The following BCORL1 variants were observed in gnomAD, a reference collection of about 807,000 sequenced individuals.
BCORL1 encodes the protein BCL-6 corepressor-like protein 1.
BCORL1 carries 7 observed loss-of-function variants against 87.6 expected under a neutral mutation model. The ratio of observed to expected loss-of-function variants is 0.08; its 90% CI spans 0.05 to 0.15. The LOEUF is 0.15. BCORL1 is among the 10% of genes least tolerant of loss of function. The pLI is 1.00. For missense variants in BCORL1, 1,215 were observed against 1,499.7 expected, an observed-to-expected ratio of 0.81 and a Z score of 3.13; for synonymous variants, 591 against 634.4, an observed-to-expected ratio of 0.93 and a Z score of 1.03.
intron 6 of BCORL1, among the ~76,000 whole-genome samples, chrX:130,023,702 G>A (rs1357216787): frequency 2.7e-5 from 3 of 112,317 alleles, no homozygotes; most frequent in South Asian, 3.7e-4. Flanking sequence ...ACAAAATCCT[G>A]AAGTGTCCTC....
At chrX:130,030,662 A>T (rs1603142915) in intron 8 of BCORL1, among the ~76,000 whole-genome samples, 1 of 110,850 alleles carries the variant, frequency 9.0e-6, no homozygotes, top group East Asian at 2.9e-4. Flanking sequence ...GCGCTGGGAA[A>T]AGGTGGGCGT....
chrX:130,025,107 G>C lies in BCORL1; in HGVS notation c.3806G>C (p.Arg1269Thr), dbSNP rs1930156108. 2.5e-6 allele frequency: 3 copies of C among 1,210,237 alleles called. No individual in the cohort carries two copies. The highest frequency in any genetic ancestry group is 3.4e-6 in the Non-Finnish European group (3 of 895,283). ...ACCCCAGCTAAGCGTCGAAAGGTGAGAAAGACCCAACGGGACACCCAGTAT... is the reference window on the plus strand; with the variant it reads ...ACCCCAGCTAAGCGTCGAAAGGTGACAAAGACCCAACGGGACACCCAGTAT... ...TPTPAKRRKV[R>T]KTQRDTQYRS... Residue 1269 changes from arginine to threonine, a missense_variant, in exon 7 of 14, where the codon AGA (arginine) becomes ACA (threonine). This residue lies in a region of BCORL1 where 166 missense variants were observed against 196.5 expected (regional missense o/e 0.84). Transcript: ENST00000540052.
chrX:129,987,907 C>A (rs758745054), intron 1 of BCORL1, among the ~76,000 whole-genome samples: 1 of 111,786 alleles, frequency 8.9e-6, no homozygotes, highest in Admixed American at 9.5e-5. Context: ...AAGTGAACAC[C>A]GGAGTGGAAC....
At chrX:130,025,585 C>T (rs936591126) in intron 7 of BCORL1, among the ~76,000 whole-genome samples, 14 of 111,052 alleles carry the variant, frequency 1.3e-4, no homozygotes, top group Admixed American at 1.9e-4. Context: ...TGCAGGTGAG[C>T]GGAGGACATG....
chrX:130,025,175 C>A lies in BCORL1; in HGVS notation c.3874C>A (p.Arg1292=), dbSNP rs1422209775. The change falls in exon 7 of 14, where the codon CGA becomes AGA. Residue 1292 remains arginine (R), a synonymous_variant. Coordinates refer to ENST00000540052, the MANE Select transcript of BCORL1 (RefSeq NM_001379451.1). ...GGACAAGTCTCTGCTGAGCCAGGGC[C>A]GAAGGCACCTGTGGCGAGCCCGAGA... The part of the protein sequence containing the change: ...AQDKSLLSQG[R]RHLWRAREMP... The A allele has an allele frequency of 8.3e-7, 1 of 1,210,049 alleles. No individual in the cohort carries two copies. Among genetic ancestry groups the A allele is most frequent in the Non-Finnish European group, 1.1e-6 (1 of 895,194 alleles).
Position 130,015,248 on chromosome X carries a change from A to C in BCORL1, c.2476A>C (p.Thr826Pro). 2.5e-6 allele frequency: 3 copies of C among 1,211,661 alleles called. No individual in the cohort carries two copies. The highest frequency in any genetic ancestry group is 3.3e-6 in the Non-Finnish European group (3 of 895,527). ...RCSVNGKPTSTQVLPVGWSPY... is the reference protein window; with the variant it reads ...RCSVNGKPTSPQVLPVGWSPY... ...TTCAGTCAATGGGAAACCTACCAGC[A>C]CCCAGGTCCTGCCTGTTGGCTGGTC... Residue 826 changes from threonine to proline, a missense_variant, in exon 4 of 14, where the codon ACC (threonine) becomes CCC (proline). By Grantham distance (38) the Thr-to-Pro change is conservative (BLOSUM62 -1). Transcript: ENST00000540052.
chrX:130,005,782 ATT>A (rs143969417), intron 2 of BCORL1, among the ~76,000 whole-genome samples: 6 of 98,486 alleles, frequency 6.1e-5, no homozygotes, highest in Admixed American at 2.2e-4. Context: ...CGCCCGGCTA[ATT>A]TTTTTTTTTT....
intron 9 of BCORL1, among the ~76,000 whole-genome samples, 189 bp from the exon 10 acceptor site, chrX:130,037,178 C>T (rs1417588323): frequency 9.0e-6 from 1 of 110,933 alleles, no homozygotes; most frequent in Non-Finnish European, 1.9e-5. Flanking sequence ...AAGGAAACGG[C>T]CCAGAGCTGG....
chrX:129,997,456 C>T (rs1390364527), intron 1 of BCORL1, among the ~76,000 whole-genome samples: 2 of 110,980 alleles, frequency 1.8e-5, no homozygotes, highest in Non-Finnish European at 3.8e-5. Context: ...GTTTCTCTTC[C>T]ACTACCCGCT....
intron 2 of BCORL1, among the ~76,000 whole-genome samples, chrX:130,006,697 CAG>C (rs1442835989): frequency 9.2e-6 from 1 of 108,301 alleles, no homozygotes; most frequent in African/African-American, 3.4e-5. Context: ...TATTTTGAGA[CAG>C]AGTCTGGGGC....
intron 1 of BCORL1, 80 bp from the exon 2 acceptor site, chrX:130,005,108 T>G: frequency 1.8e-6 from 1 of 558,817 alleles, no homozygotes; most frequent in Non-Finnish European, 2.9e-6. Flanking sequence ...ATTACCTTTA[T>G]TGAAACATTG....
rs745438800 is a variant in BCORL1, at chrX:130,050,104, C to A, written c.4841-613C>A. 4.5e-5 allele frequency among the ~76,000 whole-genome samples: 5 copies of A among 110,179 alleles called. No individual in the cohort carries two copies. In the South Asian group the frequency reaches 1.9e-3, roughly 43 times the overall value. On this transcript the variant is annotated intron_variant, in intron 11 of 13. Coordinates refer to ENST00000540052, the MANE Select transcript of BCORL1 (RefSeq NM_001379451.1). ...TTTTTTCACAGAAATATTGGGAAAT[C>A]TGGATTTTTAAGTGAAATTGCCCAA... is the stretch of plus-strand genomic sequence containing the variant.
chrX:130,005,776 C>T (rs777475886), intron 2 of BCORL1, among the ~76,000 whole-genome samples: 9 of 101,208 alleles, frequency 8.9e-5, no homozygotes, highest in South Asian at 8.4e-4. Context: ...ACACCACGCC[C>T]GGCTAATTTT....
intron 9 of BCORL1, among the ~76,000 whole-genome samples, chrX:130,036,165 G>A (rs1172172445): frequency 8.9e-6 from 1 of 112,815 alleles, no homozygotes; most frequent in Non-Finnish European, 1.9e-5. Context: ...TAGCTAGGGT[G>A]CTTCAAGTCC....
At position 130,037,320 on chromosome X, in the gene BCORL1, A is replaced by G. The variant is rs768027424; in HGVS notation, c.4528-47A>G. On this transcript the variant is annotated intron_variant, in intron 9 of 13. Coordinates refer to ENST00000540052, the MANE Select transcript of BCORL1 (RefSeq NM_001379451.1). Reference sequence around the variant, plus strand: ...TTGAGTCTCAGGGTTATATAAGTTCAAGAATTAGACCTCTCTTTGCTCATG... The same window carrying G: ...TTGAGTCTCAGGGTTATATAAGTTCGAGAATTAGACCTCTCTTTGCTCATG... 10 of 1,177,319 alleles carry G rather than the reference A, an allele frequency of 8.5e-6. No homozygotes were observed. The East Asian group carries it at 3.0e-4, about 35-fold the overall frequency.
Position 130,016,161 on chromosome X carries a change from A to G in BCORL1, c.3389A>G (p.Gln1130Arg). Residue 1130 changes from glutamine (Q) to arginine (R), a missense_variant, in exon 4 of 14, where the codon CAG (glutamine) becomes CGG (arginine). By Grantham distance (43) the Gln-to-Arg change is conservative (BLOSUM62 1). Around this residue, in one of 5 missense-constraint regions of BCORL1, gnomAD observed 861 missense variants for 1,010.0 expected, o/e 0.85. Transcript: ENST00000540052. ...KCGKEKDSEE[Q>R]QLQPQAKAVV... The stretch of plus-strand genomic sequence containing the variant: ...GGCAAAGAGAAGGACAGTGAAGAGC[A>G]GCAGCTCCAGCCACAAGCCAAGGCC... 8.3e-7 allele frequency: 1 copy of G among 1,202,980 alleles called. No individual in the cohort carries two copies.
At chrX:129,980,911 G>A (rs746934338), upstream of BCORL1, among the ~76,000 whole-genome samples, 31 of 109,845 alleles carry the variant, frequency 2.8e-4, no homozygotes, top group South Asian at 0.012. Context: ...GCGAGGGGAG[G>A]GAGAGCCGGG....
In BCORL1 at chrX:130,015,419, G is replaced by A. The variant is rs757026766; in HGVS notation, c.2647G>A (p.Gly883Arg). The A allele has an allele frequency of 2.7e-5, 33 of 1,210,996 alleles. No homozygotes were observed. The highest frequency in any genetic ancestry group is 2.5e-4 in the South Asian group (14 of 56,928). ...PSLSSSEAVH[G>R]LPEGQPRPGG... ...TCTCAGCTCCAGCGAAGCCGTGCAC[G>A]GACTTCCTGAGGGGCAACCACGGCC... Residue 883 changes from glycine to arginine, a missense_variant, in exon 4 of 14, where the codon GGA (glycine) becomes AGA (arginine). Gly to Arg is a moderately radical substitution (Grantham distance 125, BLOSUM62 -2). Transcript: ENST00000540052.
At chrX:130,025,483 G>A (rs1930191636) in intron 7 of BCORL1, 104 bp downstream of exon 7, 27 of 773,674 alleles carry the variant, frequency 3.5e-5, no homozygotes, top group Non-Finnish European at 4.6e-5. Flanking sequence ...AGAGAAACCC[G>A]GTGCTATGAT....
Sources: allele counts gnomAD v4.1 joint callset (sites outside exome capture counted in the v4.1 genomes callset), GRCh38; gene constraint gnomAD v4.1.1; regional missense constraint gnomAD v4.1.1; transcripts MANE v1.5; gene names NCBI Gene and HGNC (gene_info 2026-07-23, HGNC 2026-07-21).